The following GALNT6 variants were observed in gnomAD, a reference collection of about 807,000 sequenced individuals.
GALNT6 encodes polypeptide N-acetylgalactosaminyltransferase 6.
Under a neutral mutation model 65.9 loss-of-function variants are expected in GALNT6, and 51 were observed. The observed-to-expected ratio is 0.77, with a 90% CI of 0.62 to 0.98. The LOEUF (loss-of-function observed/expected upper bound fraction) is 0.98. Ranked by LOEUF, GALNT6 falls within the 50% of genes least tolerant of loss-of-function variation. The pLI, the probability that GALNT6 is intolerant of heterozygous loss-of-function variation, is 0.00. For synonymous variants in GALNT6, 323 were observed against 315.1 expected (o/e 1.02, Z -0.26); for missense variants, 708 against 803.3 (o/e 0.88, Z 1.43).
chr12:51,380,678 C>T (rs1478487545), intron 2 of GALNT6, among the ~76,000 whole-genome samples: 1 of 152,180 alleles, frequency 6.6e-6, no homozygotes, highest in Non-Finnish European at 1.5e-5. Flanking sequence ...GTAATCCCAG[C>T]TACTTGGGAG....
At chr12:51,390,172 T>C (rs1463867866) in intron 2 of GALNT6, among the ~76,000 whole-genome samples, 2 of 139,870 alleles carry the variant, frequency 1.4e-5, no homozygotes, top group Non-Finnish European at 3.2e-5. Flanking sequence ...TTTTTTTTTT[T>C]TTTTTTTGAG....
intron 3 of GALNT6, 83 bp downstream of exon 3, chr12:51,379,208 C>A (rs550755576): frequency 2.9e-6 from 4 of 1,375,146 alleles, no homozygotes; most frequent in Non-Finnish European, 3.9e-6. Context: ...CTTTCTCTGG[C>A]CCTTGATCTA....
intron 6 of GALNT6, 24 bp downstream of exon 6, chr12:51,364,097 G>A: frequency 1.3e-6 from 2 of 1,535,698 alleles, no homozygotes; most frequent in Non-Finnish European, 1.8e-6. Flanking sequence ...CCAGGTTGGG[G>A]GCTCACCAGG....
rs201475967 is a variant in GALNT6, at chr12:51,379,543, T to C, written c.239A>G (p.Gln80Arg). 1.2e-5 allele frequency: 19 copies of C among 1,614,198 alleles called. No individual in the cohort carries two copies. The African/African-American group carries it at 2.1e-4, about 18-fold the overall frequency. The change falls in exon 3 of 12, where the codon CAG (glutamine) becomes CGG (arginine). Residue 80 changes from glutamine (Q) to arginine (R), a missense_variant. Physicochemically the swap from Gln to Arg is conservative, Grantham distance 43. Transcript: ENST00000356317. The part of the protein sequence containing the change: ...KLQIRAPEAQ[Q>R]TLFSINQSCL... The stretch of plus-strand genomic sequence containing the variant: ...GGACTGGTTTATGGAGAACAGAGTC[T>C]GCTGGGCTTCTGGAGCCCTGATTTG...
At chr12:51,355,687 T>C in intron 11 of GALNT6, 119 bp downstream of exon 11, 1 of 858,748 alleles carries the variant, frequency 1.2e-6, no homozygotes, top group Non-Finnish European at 1.8e-6. Flanking sequence ...CCAGGTGGTC[T>C]CGAACTCCTG....
chr12:51,374,308 A>G (rs1373108117), intron 4 of GALNT6, among the ~76,000 whole-genome samples: 1 of 152,132 alleles, frequency 6.6e-6, no homozygotes, highest in East Asian at 1.9e-4. Context: ...AGCTGGGACC[A>G]CAGGCAAATA....
At chr12:51,389,366 C>T (rs753766234) in intron 2 of GALNT6, among the ~76,000 whole-genome samples, 6 of 152,222 alleles carry the variant, frequency 3.9e-5, no homozygotes, top group Non-Finnish European at 5.9e-5. Context: ...CTCTGTTTTA[C>T]ACAGAAGGAA....
At chr12:51,360,921 C>T (rs1946906456) in intron 6 of GALNT6, 83 bp from the exon 7 acceptor site, 2 of 797,904 alleles carry the variant, frequency 2.5e-6, no homozygotes, top group African/African-American at 1.7e-5. Flanking sequence ...TGTGGACTCC[C>T]CTCCTAACCC....
intron 4 of GALNT6, among the ~76,000 whole-genome samples, chr12:51,367,846 A>C (rs11169819): frequency 0.18 from 27,913 of 152,094 alleles, 2,850 homozygotes; most frequent in East Asian, 0.34. Flanking sequence ...TATGATAGTT[A>C]ACAACTCTAT....
At chr12:51,368,013 T>C (rs1435534484) in intron 4 of GALNT6, among the ~76,000 whole-genome samples, 1 of 151,568 alleles carries the variant, frequency 6.6e-6, no homozygotes, top group Non-Finnish European at 1.5e-5. Flanking sequence ...AGTGAGGCCA[T>C]GGAATTTTTT....
In GALNT6 at chr12:51,387,954, G is replaced by A. The variant is rs1330748455; in HGVS notation, c.-104+2896C>T. On this transcript the variant is annotated intron_variant, in intron 2 of 11. Coordinates refer to ENST00000356317, the MANE Select transcript of GALNT6 (RefSeq NM_007210.4). This position sits in a 1 kb window ranked among gnomAD's most constrained non-coding sequence, Gnocchi z 4.2. ...GCTCTTGGCTGCAGAACTTTCACCC[G>A]GGGCCACTGGCTACTCAATGTACCA... Among the ~76,000 whole-genome samples, 2 of 152,066 alleles carry A rather than the reference G, an allele frequency of 1.3e-5. No homozygotes were observed. The highest frequency in any genetic ancestry group is 6.6e-5 in the Admixed American group (1 of 15,266).
At chr12:51,360,486 T>C (rs1946883949) in intron 7 of GALNT6, among the ~76,000 whole-genome samples, 1 of 152,158 alleles carries the variant, frequency 6.6e-6, no homozygotes, top group Non-Finnish European at 1.5e-5. Flanking sequence ...CTATTATTCC[T>C]TGCCTCTGAG....
Position 51,377,987 on chromosome 12 carries a change from ACT to A in GALNT6, c.492-622_492-621del, listed in dbSNP as rs140501766. Among the ~76,000 whole-genome samples, 856 of 151,968 alleles carry A rather than the reference ACT, an allele frequency of 5.6e-3. 4 individuals are homozygous for A. The highest frequency in any genetic ancestry group is 0.019 in the African/African-American group (796 of 41,452). Reference sequence around the variant, plus strand: ...TTGGCCATGCTGCTACCTTCTTGACACTCTATCTCAGGGTTGGGGTGGGAATG... The same window carrying A: ...TTGGCCATGCTGCTACCTTCTTGACACTATCTCAGGGTTGGGGTGGGAATG... On this transcript the variant is annotated intron_variant, in intron 3 of 11. Transcript: ENST00000356317.
In GALNT6 at chr12:51,377,324, TG is replaced by T; in HGVS notation, c.534del (p.Thr179ProfsTer3). 5.0e-6 allele frequency: 8 copies of T among 1,612,908 alleles called. No individual in the cohort carries two copies. The Middle Eastern group carries it at 7.9e-4, about 160-fold the overall frequency. The stretch of plus-strand genomic sequence containing the variant: ...TTGTGGAACACAATGATCACGCTGG[TG>T]GTGGCCAGTGGGGGGCAGCGCCGGA... Reference protein sequence around the residue: ...QKFRRCPPLATTSVIIVFHNE... With the variant: ...QKFRRCPPLAXTSVIIVFHNE... On this transcript the variant is annotated frameshift_variant, in exon 4 of 12. Coordinates refer to ENST00000356317, the MANE Select transcript of GALNT6 (RefSeq NM_007210.4). LOFTEE classifies it high-confidence loss of function.
intron 11 of GALNT6, among the ~76,000 whole-genome samples, chr12:51,355,215 A>G (rs1397856385): frequency 6.6e-6 from 1 of 152,204 alleles, no homozygotes; most frequent in Non-Finnish European, 1.5e-5. Context: ...AGCAGGAACT[A>G]TGAATGACTC....
At chr12:51,388,675 G>A (rs940860047) in intron 2 of GALNT6, among the ~76,000 whole-genome samples, 1 of 152,106 alleles carries the variant, frequency 6.6e-6, no homozygotes, top group Non-Finnish European at 1.5e-5. Context: ...GGCCTAGACG[G>A]TAGACCACCT....
At chr12:51,360,561 CA>C (rs1285998578) in intron 7 of GALNT6, among the ~76,000 whole-genome samples, 159 bp downstream of exon 7, 4 of 152,102 alleles carry the variant, frequency 2.6e-5, no homozygotes, top group Admixed American at 2.6e-4. Flanking sequence ...CTGCCATGGA[CA>C]GGGGGAGCAG....
At chr12:51,372,230 C>G (rs148157427) in intron 4 of GALNT6, among the ~76,000 whole-genome samples, 1,527 of 152,220 alleles carry the variant, frequency 0.01, 22 homozygotes, top group African/African-American at 0.035. Context: ...TTGTTTTTGA[C>G]ACAGGGTGTC....
intron 4 of GALNT6, among the ~76,000 whole-genome samples, chr12:51,375,950 T>C (rs1192770778): frequency 6.6e-6 from 1 of 152,032 alleles, no homozygotes; most frequent in African/African-American, 2.4e-5. Flanking sequence ...AGCCTACGCC[T>C]CCCGGGTTCA....
Sources: allele counts gnomAD v4.1 joint callset (sites outside exome capture counted in the v4.1 genomes callset), GRCh38; gene constraint gnomAD v4.1.1; non-coding constraint Gnocchi (gnomAD v3.1); transcripts MANE v1.5; gene names NCBI Gene and HGNC (gene_info 2026-07-23, HGNC 2026-07-21).